Variants in MSH3 observed in about 807,000 individuals in gnomAD.
The protein encoded by MSH3 is DNA mismatch repair protein Msh3.
In MSH3, 106 loss-of-function variants were observed where a neutral mutation model predicts 123.3. That is an observed-to-expected ratio of 0.86 (90% CI 0.73 to 1.01). The LOEUF is 1.01. Ranked by LOEUF, MSH3 falls within the 50% of genes least tolerant of loss-of-function variation. The pLI is 0.00. For synonymous variants in MSH3, 515 were observed against 481.4 expected, an observed-to-expected ratio of 1.07 and a Z score of -0.91; for missense variants, 1,459 against 1,347.6, an observed-to-expected ratio of 1.08 and a Z score of -1.29.
At chr5:80,835,971 C>A (rs1745501122) in intron 20 of MSH3, among the ~76,000 whole-genome samples, 1 of 151,844 alleles carries the variant, frequency 6.6e-6, no homozygotes, top group East Asian at 1.9e-4. Context: ...TTAATAACAA[C>A]AACCAGTTAT....
chr5:80,797,809 GCC>G (rs1376964026), intron 19 of MSH3, among the ~76,000 whole-genome samples: 1 of 152,134 alleles, frequency 6.6e-6, no homozygotes, highest in Non-Finnish European at 1.5e-5. Flanking sequence ...GGCCGCCCCA[GCC>G]CCACCCACCA....
chr5:80,792,655 T>A, intron 18 of MSH3, 78 bp from the exon 19 acceptor site: 1 of 844,280 alleles, frequency 1.2e-6, no homozygotes, highest in Non-Finnish European at 2.0e-6. Flanking sequence ...AGTACTGAAA[T>A]TTTTCATGCT....
chr5:80,672,173 A>G, intron 4 of MSH3, 71 bp from the exon 5 acceptor site: 1 of 1,085,994 alleles, frequency 9.2e-7, no homozygotes, highest in South Asian at 1.3e-5. Flanking sequence ...AATTTTTAAT[A>G]AAGTGAACCA....
At chr5:80,751,175 A>G (rs761082879) in intron 12 of MSH3, among the ~76,000 whole-genome samples, 1 of 152,222 alleles carries the variant, frequency 6.6e-6, no homozygotes, top group Non-Finnish European at 1.5e-5. Context: ...GCATGTCTCA[A>G]TAGGATGTAG....
chr5:80,830,510 T>C (rs1257009829), intron 20 of MSH3, among the ~76,000 whole-genome samples: 1 of 152,242 alleles, frequency 6.6e-6, no homozygotes, highest in Non-Finnish European at 1.5e-5. Context: ...CTTATTGATT[T>C]ATCTGATTAA....
intron 13 of MSH3, among the ~76,000 whole-genome samples, chr5:80,762,933 A>G (rs560636279): frequency 9.8e-4 from 146 of 149,092 alleles, no homozygotes; most frequent in East Asian, 2.2e-3. Context: ...TGCAACCTCT[A>G]CCTCCCAGGT....
intron 8 of MSH3, among the ~76,000 whole-genome samples, chr5:80,690,021 A>G (rs1290651410): frequency 6.6e-6 from 1 of 152,090 alleles, no homozygotes; most frequent in Non-Finnish European, 1.5e-5. Context: ...TGAGCAGCAT[A>G]CTAATCAGGC....
intron 8 of MSH3, among the ~76,000 whole-genome samples, chr5:80,679,990 G>C (rs113947436): frequency 1.3e-5 from 2 of 152,150 alleles, no homozygotes; most frequent in South Asian, 4.1e-4. Flanking sequence ...GGCCAGGCAC[G>C]GTGGCTCACG....
At position 80,813,744 on chromosome 5, in the gene MSH3, A is replaced by G. The variant is rs1745050969; in HGVS notation, c.2813+3A>G. 6.2e-7 allele frequency: 1 copy of G among 1,614,106 alleles called. No individual in the cohort carries two copies. Among genetic ancestry groups the G allele is most frequent in the Non-Finnish European group, 8.5e-7 (1 of 1,179,942 alleles). The stretch of plus-strand genomic sequence containing the variant: ...ATTGTGGATGGCATTTTCACAAGGT[A>G]AGTACGTTAATTCAGCTTGCATATA... On this transcript the variant is annotated splice_donor_region_variant and intron_variant, in intron 20 of 23. Transcript: ENST00000265081.
At chr5:80,729,954 A>G (rs1743382035) in intron 10 of MSH3, among the ~76,000 whole-genome samples, 1 of 152,132 alleles carries the variant, frequency 6.6e-6, no homozygotes, top group African/African-American at 2.4e-5. Context: ...ACAGAATAGA[A>G]ATTAACTAGG....
chr5:80,800,224 A>C (rs971541759), intron 19 of MSH3, among the ~76,000 whole-genome samples: 1 of 152,212 alleles, frequency 6.6e-6, no homozygotes, highest in Non-Finnish European at 1.5e-5. Flanking sequence ...TCAGCGCAAT[A>C]CTTCCAGCTT....
At chr5:80,828,918 A>G (rs1210503992) in intron 20 of MSH3, among the ~76,000 whole-genome samples, 5 of 152,198 alleles carry the variant, frequency 3.3e-5, no homozygotes, top group Non-Finnish European at 7.4e-5. Flanking sequence ...GTAACAGTCA[A>G]GTGCCTGCAG....
At chr5:80,808,372 C>T (rs1369647495) in intron 19 of MSH3, among the ~76,000 whole-genome samples, 2 of 152,086 alleles carry the variant, frequency 1.3e-5, no homozygotes, top group Non-Finnish European at 2.9e-5. Context: ...ATGTGGATAT[C>T]GTGTCTTGAT....
intron 20 of MSH3, among the ~76,000 whole-genome samples, chr5:80,849,512 C>T (rs1745792004): frequency 6.6e-6 from 1 of 152,214 alleles, no homozygotes; most frequent in South Asian, 2.1e-4. Flanking sequence ...TCTCTGCAAT[C>T]TAAGCGGAGG....
At chr5:80,832,132 CAAAAA>C (rs1231783080) in intron 20 of MSH3, among the ~76,000 whole-genome samples, 4 of 135,026 alleles carry the variant, frequency 3.0e-5, no homozygotes, top group Non-Finnish European at 6.3e-5. Context: ...AACAAAAAAA[CAAAAA>C]AAACTCTCCC....
At chr5:80,724,608 T>G (rs1403101661) in intron 8 of MSH3, among the ~76,000 whole-genome samples, 1 of 152,172 alleles carries the variant, frequency 6.6e-6, no homozygotes, top group Admixed American at 6.5e-5. Context: ...AGGCAAATTT[T>G]TATACATATT....
intron 12 of MSH3, among the ~76,000 whole-genome samples, chr5:80,756,375 G>C (rs751813244): frequency 6.6e-6 from 1 of 152,198 alleles, no homozygotes; most frequent in Non-Finnish European, 1.5e-5. Context: ...CAGGCCTTCA[G>C]TGTTTCTTCT....
At chr5:80,750,583 T>C (rs1743815377) in intron 12 of MSH3, among the ~76,000 whole-genome samples, 1 of 152,210 alleles carries the variant, frequency 6.6e-6, no homozygotes, top group African/African-American at 2.4e-5. Flanking sequence ...ATTTGTTTTC[T>C]TGTTATTGAG....
intron 16 of MSH3, 56 bp from the exon 17 acceptor site, chr5:80,778,663 CA>C: frequency 1.1e-6 from 1 of 930,900 alleles, no homozygotes; most frequent in Non-Finnish European, 1.8e-6. Context: ...AAAGTGATGG[CA>C]TTTCGGATTT....
Sources: allele counts gnomAD v4.1 joint callset (sites outside exome capture counted in the v4.1 genomes callset), GRCh38; gene constraint gnomAD v4.1.1; transcripts MANE v1.5; gene names NCBI Gene and HGNC (gene_info 2026-07-23, HGNC 2026-07-21).